Variants in SP140 observed in about 807,000 individuals in gnomAD.
SP140 encodes nuclear body protein SP140.
SP140 carries 81 observed loss-of-function variants against 125.0 expected under a neutral mutation model. The ratio of observed to expected loss-of-function variants is 0.65; its 90% CI spans 0.54 to 0.78. The LOEUF is 0.78. SP140 is among the 30% of genes least tolerant of loss of function. The pLI is 0.00. For missense variants in SP140, 858 were observed against 1,037.0 expected, an observed-to-expected ratio of 0.83 and a Z score of 2.37; for synonymous variants, 312 against 354.0, an observed-to-expected ratio of 0.88 and a Z score of 1.33.
At chr2:230,285,934 G>A (rs566728637) in intron 17 of SP140, 102 bp downstream of exon 17, 1 of 877,938 alleles carries the variant, frequency 1.1e-6, no homozygotes, top group African/African-American at 1.7e-5. Flanking sequence ...TACTCATCAA[G>A]CTTAGTCAAT....
chr2:230,304,602 G>A (rs942510687), intron 22 of SP140, among the ~76,000 whole-genome samples: 5 of 152,096 alleles, frequency 3.3e-5, no homozygotes, highest in African/African-American at 1.2e-4. Flanking sequence ...CAGAAATAAA[G>A]CCAAATATTT....
At chr2:230,193,511 G>C in the SP140 span, among the ~76,000 whole-genome samples, 2 of 152,168 alleles carry the variant, frequency 1.3e-5, no homozygotes, top group Non-Finnish European at 2.9e-5. Context: ...CGTTTCAAGA[G>C]TTAGAACTCC....
chr2:230,226,477 G>C (rs2046377317), intron 1 of SP140, among the ~76,000 whole-genome samples: 1 of 152,110 alleles, frequency 6.6e-6, no homozygotes, highest in Admixed American at 6.6e-5. Flanking sequence ...TGCTGCTTCT[G>C]CTTTTTTTAT....
chr2:230,270,448 G>C, intron 14 of SP140, 138 bp from the exon 15 acceptor site: 1 of 887,012 alleles, frequency 1.1e-6, no homozygotes, highest in East Asian at 2.7e-5. Context: ...GTGGGTTTTT[G>C]GTTCCCCTAG....
At chr2:230,282,515 G>T (rs1454170071) in intron 15 of SP140, among the ~76,000 whole-genome samples, 1 of 152,014 alleles carries the variant, frequency 6.6e-6, no homozygotes, top group Non-Finnish European at 1.5e-5. Flanking sequence ...AACAAATCTT[G>T]ACCCAGTGCA....
intron 12 of SP140, among the ~76,000 whole-genome samples, 198 bp downstream of exon 12, chr2:230,255,730 G>A (rs2051087471): frequency 6.6e-6 from 1 of 152,224 alleles, no homozygotes; most frequent in African/African-American, 2.4e-5. Flanking sequence ...AGAAGTCCAT[G>A]TTTAACAGAA....
At chr2:230,225,681 G>T, upstream of SP140, 3 of 688,034 alleles carry the variant, frequency 4.4e-6, no homozygotes, top group Non-Finnish European at 8.0e-6. Context: ...ATTGGGTGGA[G>T]GGAGGACTGT....
intron 19 of SP140, among the ~76,000 whole-genome samples, chr2:230,292,047 A>G (rs2057176761): frequency 6.6e-6 from 1 of 152,240 alleles, no homozygotes; most frequent in Admixed American, 6.5e-5. Flanking sequence ...TATCTTTTAC[A>G]TATAAATTAA....
At chr2:230,203,459 T>G (rs1202033533) in intron 1 of SP140, 2 of 152,452 alleles carry the variant, frequency 1.3e-5, no homozygotes, top group Non-Finnish European at 2.9e-5. Flanking sequence ...GCAGGCCACT[T>G]CCGGAGGAAA....
At chr2:230,257,733 C>T (rs1259298440) in intron 12 of SP140, among the ~76,000 whole-genome samples, 2 of 152,164 alleles carry the variant, frequency 1.3e-5, no homozygotes, top group Non-Finnish European at 2.9e-5. Context: ...CATCACTGCA[C>T]TCCAGCCTGG....
Position 230,255,543 on chromosome 2 carries a change from G to T in SP140, c.1240+11G>T, listed in dbSNP as rs201594901. 0.073 allele frequency: 117,010 copies of T among 1,605,098 alleles called. 7,885 individuals are homozygous for T. The highest frequency in any genetic ancestry group is 0.32 in the African/African-American group (23,864 of 73,502). On this transcript the variant is annotated intron_variant, in intron 12 of 26. Transcript: ENST00000392045. ...CAAGACGTGGGTCAGGTAAGGACGG[G>T]GGGGGGGATTTCTGGCCCTGGGCTG...
chr2:230,276,449 C>T (rs2149388469), intron 15 of SP140, among the ~76,000 whole-genome samples: 1 of 152,290 alleles, frequency 6.6e-6, no homozygotes, highest in Non-Finnish European at 1.5e-5. Flanking sequence ...TTTAAACCCA[C>T]TGTTGAGACA....
intron 4 of SP140, among the ~76,000 whole-genome samples, chr2:230,242,173 G>C (rs2048817519): frequency 6.6e-6 from 1 of 152,004 alleles, no homozygotes; most frequent in Non-Finnish European, 1.5e-5. Flanking sequence ...ATATGGAAAA[G>C]GAAAGATGAG....
chr2:230,226,826 G>A (rs1417670801), intron 1 of SP140, among the ~76,000 whole-genome samples: 1 of 148,954 alleles, frequency 6.7e-6, no homozygotes, highest in Non-Finnish European at 1.5e-5. Context: ...TGTGGATTCT[G>A]TATCCATGGA....
intron 18 of SP140, 132 bp downstream of exon 18, chr2:230,288,098 C>T (rs958090155): frequency 1.4e-6 from 1 of 733,212 alleles, no homozygotes. Context: ...AGAAATGTAT[C>T]CTATTTAGTC....
intron 22 of SP140, among the ~76,000 whole-genome samples, chr2:230,301,987 A>G (rs2058321781): frequency 6.6e-6 from 1 of 152,204 alleles, no homozygotes; most frequent in African/African-American, 2.4e-5. Flanking sequence ...AGGTATTCTT[A>G]CATCATACAA....
chr2:230,281,564 G>A (rs1161899428), intron 15 of SP140, among the ~76,000 whole-genome samples: 3 of 152,152 alleles, frequency 2.0e-5, no homozygotes, highest in Non-Finnish European at 1.5e-5. Context: ...CCTTTCTGGT[G>A]TATCTCCACC....
intron 12 of SP140, among the ~76,000 whole-genome samples, chr2:230,257,572 G>A (rs914210965): frequency 4.6e-5 from 7 of 152,134 alleles, no homozygotes; most frequent in Admixed American, 6.5e-5. Context: ...TTCAAGGCCA[G>A]CCGGGCCAAC....
intron 12 of SP140, among the ~76,000 whole-genome samples, chr2:230,261,499 AGTGGC>A (rs1289403296): frequency 1.3e-5 from 2 of 152,084 alleles, no homozygotes; most frequent in African/African-American, 4.8e-5. Context: ...GTTGAAGAGG[AGTGGC>A]GAGAGTGGGC....
Sources: gnomAD v4.1 joint callset for allele counts (sites outside exome capture counted in the v4.1 genomes callset) on GRCh38, gnomAD v4.1.1 for gene constraint, MANE v1.5 for transcripts, NCBI Gene and HGNC (gene_info 2026-07-23, HGNC 2026-07-21) for gene names.